HTT: variants seen among roughly 807,000 people sequenced by gnomAD.
HTT encodes the protein huntingtin, also known as huntington disease protein.
HTT carries 104 observed loss-of-function variants against 362.3 expected under a neutral mutation model. The observed-to-expected ratio is 0.29, with a 90% CI of 0.24 to 0.34. The LOEUF (loss-of-function observed/expected upper bound fraction) is 0.34, where lower values mean the gene tolerates loss of function less well. HTT is among the 10% of genes least tolerant of loss of function. HTT has a pLI of 1.00. For missense variants in HTT, 3,301 were observed against 3,928.6 expected (o/e 0.84, Z 4.27); for synonymous variants, 1,577 against 1,548.7 (o/e 1.02, Z -0.43).
In HTT at chr4:3,228,919, G is replaced by A. The variant is rs1387651792; in HGVS notation, c.8019G>A (p.Gln2673=). 1.9e-6 allele frequency: 3 copies of A among 1,613,818 alleles called. No individual in the cohort carries two copies. The highest frequency in any genetic ancestry group is 4.5e-5 in the East Asian group (2 of 44,876). Residue 2673 remains glutamine (Q), a synonymous_variant, in exon 59 of 67, where the codon CAG becomes CAA. Transcript: ENST00000355072. The surrounding 1 kb of genome is among the most constrained non-coding windows in gnomAD (Gnocchi z 4.3). ...RAGVDIHSCS[Q]FLLELYSRWI... ...GAGTTGACATCCACTCCTGTTCGCA[G>A]TTTTTGCTTGAGTTGTACAGCCGCT...
At chr4:3,132,460 C>T (rs1715866750) in intron 16 of HTT, 102 bp from the exon 17 acceptor site, 1 of 969,628 alleles carries the variant, frequency 1.0e-6, no homozygotes, top group African/African-American at 1.6e-5. Context: ...TGGATCTTCT[C>T]TTCACACCTC....
chr4:3,131,117 C>T (rs1342670347), intron 14 of HTT, among the ~76,000 whole-genome samples, 169 bp from the exon 15 acceptor site: 2 of 152,052 alleles, frequency 1.3e-5, no homozygotes, highest in Non-Finnish European at 2.9e-5. Flanking sequence ...TCTGTTTCTG[C>T]TTGGCCATGG....
intron 1 of HTT, among the ~76,000 whole-genome samples, chr4:3,083,516 C>G (rs1713022012): frequency 7.9e-6 from 1 of 125,998 alleles, no homozygotes; most frequent in Admixed American, 8.7e-5. Flanking sequence ...AGAGTGAGAC[C>G]CTGTCTCTAA....
At chr4:3,134,380 G>A in intron 18 of HTT, 21 bp from the exon 19 acceptor site, 1 of 1,610,068 alleles carries the variant, frequency 6.2e-7, no homozygotes, top group Middle Eastern at 1.7e-4. Context: ...CTGTCCTCTT[G>A]CCTTGGACCT....
chr4:3,106,749 C>T (rs573321398), intron 5 of HTT, among the ~76,000 whole-genome samples: 1 of 152,254 alleles, frequency 6.6e-6, no homozygotes, highest in South Asian at 2.1e-4. Context: ...CAGCCACCCT[C>T]TGAGGCCGTG....
intron 28 of HTT, among the ~76,000 whole-genome samples, chr4:3,158,423 G>A (rs4690073): frequency 0.47 from 70,850 of 151,982 alleles, 17,120 homozygotes; most frequent in African/African-American, 0.58. Context: ...CTTGTAGATT[G>A]ATTTAGGGAG....
intron 40 of HTT, among the ~76,000 whole-genome samples, chr4:3,198,502 G>A (rs1379402152): frequency 6.6e-6 from 1 of 152,118 alleles, no homozygotes; most frequent in Non-Finnish European, 1.5e-5. Flanking sequence ...TGTGATTATA[G>A]GCGTGAGCCA....
intron 6 of HTT, among the ~76,000 whole-genome samples, chr4:3,108,932 T>A (rs2110165023): frequency 6.6e-6 from 1 of 152,090 alleles, no homozygotes; most frequent in African/African-American, 2.4e-5. Context: ...CCTGTGGTCC[T>A]AGCTACTCAG....
At chr4:3,158,831 T>C (rs912968642) in intron 28 of HTT, among the ~76,000 whole-genome samples, 1 of 152,132 alleles carries the variant, frequency 6.6e-6, no homozygotes, top group African/African-American at 2.4e-5. Context: ...GAGAAGATAC[T>C]TCTTTTCCAC....
rs559940173 is a variant in HTT, at chr4:3,084,840, C to T, written c.264-2099C>T. Among the ~76,000 whole-genome samples the T allele has an allele frequency of 8.6e-5, 13 of 151,822 alleles. No homozygotes were observed. In the East Asian group the frequency reaches 1.8e-3, roughly 21 times the overall value. ...CATCCCGGCTAACACGGTGAAACCC[C>T]GTCTCTACTAAAAAATACAAAAAAT... On this transcript the variant is annotated intron_variant, in intron 1 of 66. Coordinates refer to ENST00000355072, the MANE Select transcript of HTT (RefSeq NM_001388492.1).
intron 1 of HTT, among the ~76,000 whole-genome samples, chr4:3,078,907 T>G (rs1712722290): frequency 6.6e-6 from 1 of 152,202 alleles, no homozygotes; most frequent in Non-Finnish European, 1.5e-5. Context: ...GCTAATTTTT[T>G]TGTATTTTTA....
intron 1 of HTT, among the ~76,000 whole-genome samples, chr4:3,081,625 C>G (rs1385258482): frequency 7.5e-6 from 1 of 133,024 alleles, no homozygotes; most frequent in Non-Finnish European, 1.5e-5. Flanking sequence ...GTGGCGCGAT[C>G]TCGGCTCACT....
chr4:3,184,872 A>G lies in HTT; in HGVS notation c.4867-1725A>G, dbSNP rs1007785214. Among the ~76,000 whole-genome samples the G allele has an allele frequency of 2.0e-5, 3 of 152,054 alleles. No individual in the cohort carries two copies. In the East Asian group the frequency reaches 5.8e-4, roughly 29 times the overall value. On this transcript the variant is annotated intron_variant, in intron 37 of 66. Coordinates refer to ENST00000355072, the MANE Select transcript of HTT (RefSeq NM_001388492.1). ...CCTGCTGAGTCCCAGCTCCAAGGTC[A>G]GGTAGGTGAGGGGAGCCAGTGCTGG... is the stretch of plus-strand genomic sequence containing the variant.
chr4:3,206,966 C>T lies in HTT; in HGVS notation c.6058C>T (p.Leu2020=), dbSNP rs770599158. 30 of 1,609,288 alleles carry T rather than the reference C, an allele frequency of 1.9e-5. No individual in the cohort carries two copies. Among genetic ancestry groups the T allele is most frequent in the Non-Finnish European group, 2.4e-5 (28 of 1,178,592 alleles). The change falls in exon 44 of 67, where the codon CTG becomes TTG. Residue 2020 remains leucine (L), a synonymous_variant. Coordinates refer to ENST00000355072, the MANE Select transcript of HTT (RefSeq NM_001388492.1). The surrounding 1 kb of genome is among the most constrained non-coding windows in gnomAD (Gnocchi z 4.6). ...ILACRRVEML[L]AANLQSSMAQ... Reference sequence around the variant, plus strand: ...TGCTTGTCGCCGGGTAGAAATGCTTCTGGCTGCAAATTTACAGGTATTGGG... The same window carrying T: ...TGCTTGTCGCCGGGTAGAAATGCTTTTGGCTGCAAATTTACAGGTATTGGG...
intron 1 of HTT, 46 bp downstream of exon 1, chr4:3,075,134 C>T: frequency 1.7e-6 from 2 of 1,210,010 alleles, no homozygotes; most frequent in Non-Finnish European, 2.1e-6. Context: ...GGGTCCCAGG[C>T]TACGGCGGGG....
chr4:3,142,146 T>C (rs369545286), intron 22 of HTT, among the ~76,000 whole-genome samples: 1 of 152,164 alleles, frequency 6.6e-6, no homozygotes, highest in Non-Finnish European at 1.5e-5. Context: ...CAATGACCAA[T>C]TGTGCAGCAG....
intron 49 of HTT, 94 bp from the exon 50 acceptor site, chr4:3,213,864 C>T: frequency 8.5e-7 from 1 of 1,173,140 alleles, no homozygotes; most frequent in Non-Finnish European, 1.2e-6. Flanking sequence ...CGCTGCCCCT[C>T]AGTGCTTTGG....
intron 50 of HTT, 133 bp from the exon 51 acceptor site, chr4:3,214,977 T>G (rs2110279168): frequency 1.5e-6 from 1 of 656,194 alleles, no homozygotes; most frequent in East Asian, 2.7e-5. Flanking sequence ...TGTCTAAAAT[T>G]GGTTCTAAGG....
rs1457682026 is a variant in HTT at position 3,075,032 on chromosome 4, GCCGCCGCCC to G, written c.216_224del (p.Pro74_Pro76del). The G allele has an allele frequency of 3.2e-6, 4 of 1,242,352 alleles. No individual in the cohort carries two copies. Among genetic ancestry groups the G allele is most frequent in the Admixed American group, 4.3e-5 (1 of 23,430 alleles). 77.0% of individuals were successfully genotyped at this position (1,242,352 alleles called of 1,614,324 possible). On this transcript the variant is annotated inframe_deletion, in exon 1 of 67. Transcript: ENST00000355072. ...TGCTGCCTCAGCCGCAGCCGCCCCC[GCCGCCGCCC>G]CCGCCGCCACCCGGCCCGGCTGTGG...
Sources: allele counts gnomAD v4.1 joint callset (sites outside exome capture counted in the v4.1 genomes callset), GRCh38; gene constraint gnomAD v4.1.1; non-coding constraint Gnocchi (gnomAD v3.1); transcripts MANE v1.5; gene names NCBI Gene and HGNC (gene_info 2026-07-23, HGNC 2026-07-21).